EXOC4: variants seen among roughly 807,000 people sequenced by gnomAD.
EXOC4 encodes exocyst complex component 4.
A neutral mutation model predicts 107.2 loss-of-function variants in EXOC4; 71 were observed. The observed-to-expected ratio is 0.66, with a 90% CI of 0.55 to 0.81. The LOEUF (loss-of-function observed/expected upper bound fraction) is 0.81, where lower values mean the gene tolerates loss of function less well. Among genes scored for constraint, EXOC4 ranks in the 30% least tolerant of loss-of-function variants. The pLI is 0.00. For synonymous variants in EXOC4, 456 were observed against 441.2 expected (o/e 1.03, Z -0.42); for missense variants, 1,108 against 1,189.6 (o/e 0.93, Z 1.01).
intron 9 of EXOC4, among the ~76,000 whole-genome samples, chr7:133,629,776 C>G (rs1408577540): frequency 6.6e-6 from 1 of 151,782 alleles, no homozygotes; most frequent in African/African-American, 2.4e-5. Flanking sequence ...CTGCTGGCCT[C>G]AAGTGATCCA....
chr7:133,741,688 A>G (rs1795567890), intron 10 of EXOC4, among the ~76,000 whole-genome samples: 2 of 152,194 alleles, frequency 1.3e-5, no homozygotes, highest in South Asian at 4.1e-4. Context: ...TCAAAATCCT[A>G]AAGATATTTT....
At chr7:133,484,596 T>C (rs1210214205) in intron 9 of EXOC4, among the ~76,000 whole-genome samples, 3 of 151,982 alleles carry the variant, frequency 2.0e-5, no homozygotes, top group Non-Finnish European at 4.4e-5. Context: ...CAAAATAAGC[T>C]CACAGGTTTA....
intron 10 of EXOC4, among the ~76,000 whole-genome samples, chr7:133,748,733 C>T (rs73152912): frequency 0.091 from 13,907 of 152,088 alleles, 716 homozygotes; most frequent in African/African-American, 0.13. Flanking sequence ...GCAGCATTTG[C>T]GAGAGATTCA....
intron 9 of EXOC4, among the ~76,000 whole-genome samples, chr7:133,584,621 C>T (rs1801358722): frequency 7.2e-6 from 1 of 138,314 alleles, no homozygotes; most frequent in Non-Finnish European, 1.5e-5. Context: ...CTCTGTTGCC[C>T]AGGCTGGAGT....
At chr7:133,970,490 A>G (rs572735630) in intron 14 of EXOC4, among the ~76,000 whole-genome samples, 97 of 152,232 alleles carry the variant, frequency 6.4e-4, no homozygotes, top group Admixed American at 1.4e-3. Flanking sequence ...ACCAGAGGGA[A>G]TCTCCTGGTC....
intron 10 of EXOC4, among the ~76,000 whole-genome samples, chr7:133,661,139 A>G (rs183207208): frequency 1.3e-5 from 2 of 152,252 alleles, no homozygotes; most frequent in East Asian, 3.9e-4. Context: ...ATGACAGGGT[A>G]GCATCACACC....
chr7:133,899,138 G>A lies in EXOC4; in HGVS notation c.1871+3403G>A, dbSNP rs527724359. On this transcript the variant is annotated intron_variant, in intron 12 of 17. Transcript: ENST00000253861. The stretch of plus-strand genomic sequence containing the variant: ...GCATGCCCTCTTTTTCTAGTAAGTT[G>A]TCTGATTATGGGCACCCAATAACTT... Among the ~76,000 whole-genome samples, 14 of 149,152 alleles carry A rather than the reference G, an allele frequency of 9.4e-5. No homozygotes were observed. In the East Asian group the frequency reaches 2.5e-3, roughly 27 times the overall value.
intron 9 of EXOC4, among the ~76,000 whole-genome samples, chr7:133,543,241 CCT>C (rs1289812355): frequency 1.3e-5 from 2 of 151,836 alleles, no homozygotes; most frequent in Non-Finnish European, 2.9e-5. Context: ...ATCTCAATAG[CCT>C]AAGGTTTTCC....
intron 10 of EXOC4, among the ~76,000 whole-genome samples, chr7:133,682,599 A>C (rs1794211735): frequency 6.6e-6 from 1 of 152,204 alleles, no homozygotes; most frequent in African/African-American, 2.4e-5. Context: ...TGGAATTCTC[A>C]TACCAGGTTT....
intron 9 of EXOC4, among the ~76,000 whole-genome samples, chr7:133,574,665 A>C (rs1225321949): frequency 2.0e-5 from 3 of 152,222 alleles, no homozygotes; most frequent in Non-Finnish European, 4.4e-5. Flanking sequence ...CGTGGTCAGC[A>C]TGACCATTGC....
intron 14 of EXOC4, among the ~76,000 whole-genome samples, chr7:133,988,945 AT>A (rs1166634404): frequency 9.8e-5 from 15 of 152,316 alleles, no homozygotes; most frequent in African/African-American, 3.6e-4. Context: ...AGAAATTAAC[AT>A]AGTCAAATTT....
Position 133,902,866 on chromosome 7 carries a change from C to CAA in EXOC4, c.1871+7141_1871+7142dup, listed in dbSNP as rs71162040. 1.9e-3 allele frequency among the ~76,000 whole-genome samples: 282 copies of CAA among 144,826 alleles called. 1 individual carries two copies. The highest frequency in any genetic ancestry group is 8.9e-3 in the Admixed American group (129 of 14,484). ...GAGACTCTGTCTCAAAAAAACAAAA[C>CAA]AAAAAAAAAAAGAATTTTCGAAGAT... On this transcript the variant is annotated intron_variant, in intron 12 of 17. Transcript: ENST00000253861.
intron 9 of EXOC4, among the ~76,000 whole-genome samples, chr7:133,580,765 G>A (rs1368440934): frequency 1.3e-5 from 2 of 152,154 alleles, no homozygotes; most frequent in African/African-American, 2.4e-5. Flanking sequence ...TCTCTTTTAA[G>A]GTACTGCATC....
At chr7:133,925,100 GA>G (rs1286490799) in intron 13 of EXOC4, among the ~76,000 whole-genome samples, 1 of 152,204 alleles carries the variant, frequency 6.6e-6, no homozygotes, top group Non-Finnish European at 1.5e-5. Context: ...CAAAAAGACT[GA>G]AAAGTCACAA....
chr7:133,788,789 A>G (rs1164894808), intron 10 of EXOC4, among the ~76,000 whole-genome samples: 1 of 152,272 alleles, frequency 6.6e-6, no homozygotes, highest in Non-Finnish European at 1.5e-5. Context: ...CACCACACCC[A>G]GAAACACTTC....
At chr7:133,464,337 A>G (rs1798666180) in intron 7 of EXOC4, among the ~76,000 whole-genome samples, 1 of 152,196 alleles carries the variant, frequency 6.6e-6, no homozygotes, top group Non-Finnish European at 1.5e-5. Context: ...AACTTGACCA[A>G]GGTCACATAA....
At chr7:134,013,140 A>G (rs1435268844) in intron 17 of EXOC4, among the ~76,000 whole-genome samples, 1 of 152,226 alleles carries the variant, frequency 6.6e-6, no homozygotes, top group African/African-American at 2.4e-5. Context: ...CAAAAATGCA[A>G]TTAGAGTATT....
chr7:133,289,482 G>A (rs1794356977), intron 3 of EXOC4, among the ~76,000 whole-genome samples: 1 of 152,170 alleles, frequency 6.6e-6, no homozygotes. Flanking sequence ...ATAGACTAGT[G>A]TTCCACACAT....
At chr7:133,718,386 G>A (rs931613976) in intron 10 of EXOC4, among the ~76,000 whole-genome samples, 41 of 152,178 alleles carry the variant, frequency 2.7e-4, no homozygotes, top group African/African-American at 3.9e-4. Flanking sequence ...TGCTTTCCTA[G>A]TACTTAGATG....
Sources: gnomAD v4.1 joint callset for allele counts (sites outside exome capture counted in the v4.1 genomes callset) on GRCh38, gnomAD v4.1.1 for gene constraint, MANE v1.5 for transcripts, NCBI Gene and HGNC (gene_info 2026-07-23, HGNC 2026-07-21) for gene names.